The following TSPAN14 variants were observed in gnomAD, a reference collection of about 807,000 sequenced individuals.
TSPAN14 encodes tetraspanin-14.
A neutral mutation model predicts 36.6 loss-of-function variants in TSPAN14; 16 were observed. The ratio of observed to expected loss-of-function variants is 0.44; its 90% confidence interval spans 0.30 to 0.66. TSPAN14 has a LOEUF of 0.66. Among genes scored for constraint, TSPAN14 ranks in the 30% least tolerant of loss-of-function variants. The probability of loss-of-function intolerance (pLI) is 0.12; values close to 1 mark genes in which losing one functional copy is unlikely to be tolerated. For missense variants in TSPAN14, 231 were observed against 355.1 expected, an observed-to-expected ratio of 0.65 and a Z score of 2.81; for synonymous variants, 139 against 143.8, an observed-to-expected ratio of 0.97 and a Z score of 0.24.
At chr10:80,516,129 C>T (rs41286898) in intron 7 of TSPAN14, 75 bp from the exon 8 acceptor site, 2 of 1,606,636 alleles carry the variant, frequency 1.2e-6, no homozygotes, top group Non-Finnish European at 1.7e-6. Context: ...CTGCTCCTTA[C>T]CAGAGCTCAC....
At chr10:80,471,744 G>A (rs1293636636) in intron 1 of TSPAN14, among the ~76,000 whole-genome samples, 1 of 152,156 alleles carries the variant, frequency 6.6e-6, no homozygotes, top group Non-Finnish European at 1.5e-5. Flanking sequence ...AGCCATTTGA[G>A]AAGTGGGGGT....
intron 1 of TSPAN14, among the ~76,000 whole-genome samples, chr10:80,467,582 C>G (rs1485678346): frequency 6.6e-6 from 1 of 152,194 alleles, no homozygotes; most frequent in Non-Finnish European, 1.5e-5. Context: ...TTCTATTAAT[C>G]TAACTCCACT....
intron 1 of TSPAN14, among the ~76,000 whole-genome samples, chr10:80,478,042 C>T (rs377403206): frequency 1.3e-4 from 19 of 151,914 alleles, no homozygotes; most frequent in Non-Finnish European, 7.4e-5. Flanking sequence ...CTTAGTCATG[C>T]GGACTGCCAG....
chr10:80,517,815 C>A, intron 8 of TSPAN14, 90 bp from the exon 9 acceptor site: 2 of 1,240,288 alleles, frequency 1.6e-6, no homozygotes, highest in Non-Finnish European at 2.3e-6. Flanking sequence ...GAGAGGCGTG[C>A]AGTGGGAGCT....
At chr10:80,470,744 T>C (rs1846501200) in intron 1 of TSPAN14, among the ~76,000 whole-genome samples, 1 of 152,234 alleles carries the variant, frequency 6.6e-6, no homozygotes, top group Non-Finnish European at 1.5e-5. Context: ...ACTCATCACT[T>C]GGAACATCTA....
chr10:80,460,535 A>C (rs893990252), intron 1 of TSPAN14, among the ~76,000 whole-genome samples: 1 of 152,182 alleles, frequency 6.6e-6, no homozygotes, highest in East Asian at 1.9e-4. Flanking sequence ...TTCTTCTTGC[A>C]CTGGCCTGTC....
chr10:80,476,459 A>G (rs1047836558), intron 1 of TSPAN14, among the ~76,000 whole-genome samples: 4 of 118,838 alleles, frequency 3.4e-5, no homozygotes, highest in Non-Finnish European at 4.8e-5. Flanking sequence ...TCTGTCACCC[A>G]GGCTGGAATG....
intron 3 of TSPAN14, 23 bp from the exon 4 acceptor site, chr10:80,507,205 C>T (rs767156547): frequency 1.9e-6 from 3 of 1,614,016 alleles, no homozygotes; most frequent in African/African-American, 1.3e-5. Flanking sequence ...CCAGTGCTGC[C>T]CTGCTTTCTC....
chr10:80,468,904 A>C (rs898414251), intron 1 of TSPAN14, among the ~76,000 whole-genome samples: 2 of 152,010 alleles, frequency 1.3e-5, no homozygotes, highest in Non-Finnish European at 2.9e-5. Context: ...AGCCAGCCAC[A>C]CTGTCATGCT....
At chr10:80,469,167 G>A (rs1286491020) in intron 1 of TSPAN14, among the ~76,000 whole-genome samples, 2 of 151,648 alleles carry the variant, frequency 1.3e-5, no homozygotes, top group African/African-American at 4.8e-5. Flanking sequence ...GGGTAGGGAT[G>A]GGGGGGTAAC....
At chr10:80,511,725 TCTCTC>T (rs1840646213) in intron 5 of TSPAN14, among the ~76,000 whole-genome samples, 4 of 97,266 alleles carry the variant, frequency 4.1e-5, no homozygotes, top group East Asian at 2.3e-4. Context: ...TCTCTCTCTC[TCTCTC>T]TCTCTCTCTC....
At chr10:80,489,454 C>A in intron 2 of TSPAN14, 140 bp downstream of exon 2, 1 of 675,636 alleles carries the variant, frequency 1.5e-6, no homozygotes, top group South Asian at 1.7e-5. Flanking sequence ...CCCCTACCCT[C>A]ACAGAACCAG....
At chr10:80,512,360 T>G in intron 6 of TSPAN14, 91 bp downstream of exon 6, 5 of 1,531,582 alleles carry the variant, frequency 3.3e-6, no homozygotes, top group Non-Finnish European at 4.4e-6. Context: ...GATACTTCTC[T>G]GTCATGGAGG....
intron 2 of TSPAN14, among the ~76,000 whole-genome samples, chr10:80,501,286 CT>C (rs36008947): frequency 0.35 from 41,688 of 120,296 alleles, 7,339 homozygotes; most frequent in African/African-American, 0.5. Context: ...TTTAGAAAAC[CT>C]TTTTTTTTTT....
intron 1 of TSPAN14, among the ~76,000 whole-genome samples, chr10:80,484,775 T>G (rs1396063847): frequency 2.0e-5 from 3 of 152,206 alleles, no homozygotes; most frequent in East Asian, 3.8e-4. Flanking sequence ...GGCTTGGTAG[T>G]CTTGTGCTTT....
At chr10:80,473,713 T>A (rs1238605902) in intron 1 of TSPAN14, among the ~76,000 whole-genome samples, 1 of 151,478 alleles carries the variant, frequency 6.6e-6, no homozygotes, top group Non-Finnish European at 1.5e-5. Context: ...AATTAAAGTT[T>A]TTTTTTTTCT....
At chr10:80,492,531 C>G (rs1196965345) in intron 2 of TSPAN14, among the ~76,000 whole-genome samples, 2 of 152,134 alleles carry the variant, frequency 1.3e-5, no homozygotes, top group Non-Finnish European at 2.9e-5. Flanking sequence ...GAATTATTTT[C>G]ACAGGCCTGG....
In TSPAN14 at chr10:80,460,055, A is replaced by C. The variant is rs563921705; in HGVS notation, c.-18+5684A>C. On this transcript the variant is annotated intron_variant, in intron 1 of 8. Coordinates refer to ENST00000429989, the Ensembl canonical transcript of TSPAN14. ...GGTGAAAGAAAAACTTAATTCTGAC[A>C]CTTGTTAAACTGGTAAGGTAGACTG... 5.9e-5 allele frequency among the ~76,000 whole-genome samples: 9 copies of C among 152,254 alleles called. 1 individual carries two copies. The South Asian group carries it at 1.9e-3, about 31-fold the overall frequency.
At chr10:80,489,353 C>A in intron 2 of TSPAN14, 39 bp downstream of exon 2, 1 of 1,289,606 alleles carries the variant, frequency 7.8e-7, no homozygotes, top group Non-Finnish European at 1.1e-6. Context: ...TTGTTTAGTC[C>A]TTCATTCAGT....
Sources: allele counts gnomAD v4.1 joint callset (sites outside exome capture counted in the v4.1 genomes callset), GRCh38; gene constraint gnomAD v4.1.1; transcripts MANE v1.5; gene names NCBI Gene and HGNC (gene_info 2026-07-23, HGNC 2026-07-21).